The following ZNF853 variants were observed in gnomAD, a reference collection of about 807,000 sequenced individuals.
ZNF853 encodes the protein zinc finger protein 853.
Under a neutral mutation model 94.7 loss-of-function variants are expected in ZNF853, and 57 were observed. That is an observed-to-expected ratio of 0.60 (90% confidence interval 0.49 to 0.75). The LOEUF (loss-of-function observed/expected upper bound fraction) is 0.75. Among genes scored for constraint, ZNF853 ranks in the 30% least tolerant of loss-of-function variants. The probability of loss-of-function intolerance (pLI) is 0.00; values close to 1 mark genes in which losing one functional copy is unlikely to be tolerated. For synonymous variants in ZNF853, 448 were observed against 406.3 expected (o/e 1.10, Z -1.23); for missense variants, 785 against 868.9 (o/e 0.90, Z 1.21).
At chr7:6,616,267 C>G in intron 1 of ZNF853, 81 bp downstream of exon 1, 1 of 1,431,802 alleles carries the variant, frequency 7.0e-7, no homozygotes, top group Non-Finnish European at 9.5e-7. Context: ...CACGAGTCGG[C>G]CTGTTTAGGG....
chr7:6,621,741 A>ACAGCAGCAACTGTTG lies in ZNF853; in HGVS notation c.759_773dup (p.Leu254_Gln258dup). The stretch of plus-strand genomic sequence containing the variant: ...TATTGCTGCAGCAGCAGGGACAGTT[A>ACAGCAGCAACTGTTG]CAGCAGCAACTGTTGCAGCAGCAGC... On this transcript the variant is annotated inframe_insertion, in exon 3 of 3. Transcript: ENST00000457543. 8.4e-6 allele frequency: 13 copies of ACAGCAGCAACTGTTG among 1,550,660 alleles called. No individual in the cohort carries two copies. Among genetic ancestry groups the ACAGCAGCAACTGTTG allele is most frequent in the Non-Finnish European group, 1.1e-5 (13 of 1,146,928 alleles).
At position 6,623,241 on chromosome 7, in the gene ZNF853, T is replaced by C. The variant is rs1476357904; in HGVS notation, c.*270T>C. 3 of 400,726 alleles carry C rather than the reference T, an allele frequency of 7.5e-6. No homozygotes were observed. The highest frequency in any genetic ancestry group is 6.2e-4 in the Middle Eastern group (1 of 1,614). 24.8% of individuals were successfully genotyped at this position (400,726 alleles called of 1,614,324 possible). A position where few individuals can be genotyped will look rare whatever the true frequency, so the allele number is the denominator to read the frequency against. On this transcript the variant is annotated 3_prime_UTR_variant, in exon 3 of 3. Coordinates refer to ENST00000457543, the MANE Select transcript of ZNF853 (RefSeq NM_017560.3). Reference sequence around the variant, plus strand: ...ACACGTTTGTCTGCCCTTTGAGGGGTCTGCCAAAGGTTTTCCCTCCGGGAA... The same window carrying C: ...ACACGTTTGTCTGCCCTTTGAGGGGCCTGCCAAAGGTTTTCCCTCCGGGAA...
rs1005181067 is a variant in ZNF853 at position 6,621,630 on chromosome 7, G to C, written c.639G>C (p.Gln213His). ...LLQQQQEQLQQQQLLQQQEQL... is the reference protein window; with the variant it reads ...LLQQQQEQLQHQQLLQQQEQL... ...AGCAACAGCAGGAACAGTTACAGCA[G>C]CAGCAGCTGCTACAACAGCAGGAAC... The change falls in exon 3 of 3, where the codon CAG becomes CAC. Residue 213 changes from glutamine (Q) to histidine (H), a missense_variant. By Grantham distance (24) the Gln-to-His change is conservative. Transcript: ENST00000457543. 1 of 1,549,826 alleles carries C rather than the reference G, an allele frequency of 6.5e-7. No individual in the cohort carries two copies. The highest frequency in any genetic ancestry group is 8.7e-7 in the Non-Finnish European group (1 of 1,145,450).
intron 2 of ZNF853, among the ~76,000 whole-genome samples, chr7:6,619,259 T>TTTTGTTTG: frequency 6.6e-6 from 1 of 150,938 alleles, no homozygotes; most frequent in Admixed American, 6.6e-5. Flanking sequence ...GGGTTGTTGT[T>TTTTGTTTG]TTTGTTTGTT....
intron 1 of ZNF853, 96 bp from the exon 2 acceptor site, chr7:6,617,094 C>A: frequency 1.1e-6 from 1 of 929,942 alleles, no homozygotes; most frequent in African/African-American, 1.7e-5. Context: ...CTGGGTGGCC[C>A]GAGGCAGAGG....
At position 6,621,711 on chromosome 7, in the gene ZNF853, G is replaced by A. The variant is rs1782611369; in HGVS notation, c.720G>A (p.Gln240=). Reference sequence around the variant, plus strand: ...AGGAACAGTTACAGCAGCAGCAGCAGCTACTATTGCTGCAGCAGCAGGGAC... The same window carrying A: ...AGGAACAGTTACAGCAGCAGCAGCAACTACTATTGCTGCAGCAGCAGGGAC... ...QQQEQLQQQQ[Q]LLLLQQQGQL... is the part of the protein sequence containing the mutation. Residue 240 remains glutamine (Q), a synonymous_variant, in exon 3 of 3, where the codon CAG becomes CAA. Transcript: ENST00000457543. The A allele has an allele frequency of 1.3e-6, 2 of 1,551,090 alleles. No individual in the cohort carries two copies. The highest frequency in any genetic ancestry group is 4.9e-5 in the East Asian group (2 of 40,924).
Position 6,622,613 on chromosome 7 carries a change from A to G in ZNF853, c.1622A>G (p.Tyr541Cys). Residue 541 changes from tyrosine to cysteine, a missense_variant, in exon 3 of 3, where the codon TAC becomes TGC. Physicochemically the swap from Tyr to Cys is radical, Grantham distance 194 (BLOSUM62 -2). Coordinates refer to ENST00000457543, the MANE Select transcript of ZNF853 (RefSeq NM_017560.3). ...HQRIHTGEKP[Y>C]ACSYCAKRFS... ...CGCATCCACACGGGCGAGAAACCCTACGCCTGCTCCTACTGCGCCAAGCGC... is the reference window on the plus strand; with the variant it reads ...CGCATCCACACGGGCGAGAAACCCTGCGCCTGCTCCTACTGCGCCAAGCGC... 1.3e-5 allele frequency: 21 copies of G among 1,581,588 alleles called. No individual in the cohort carries two copies. Among genetic ancestry groups the G allele is most frequent in the Non-Finnish European group, 1.7e-5 (20 of 1,164,906 alleles).
In ZNF853 at chr7:6,617,253, G is replaced by T; in HGVS notation, c.76G>T (p.Val26Leu). Reference sequence around the variant, plus strand: ...AGTGGGGCCAGCCACCGAGACCTTCGTGCTGGAACTTCAATGTCTTGAGGA... The same window carrying T: ...AGTGGGGCCAGCCACCGAGACCTTCTTGCTGGAACTTCAATGTCTTGAGGA... ...MEVGPATETF[V>L]LELQCLEDGG... The change falls in exon 2 of 3, where the codon GTG becomes TTG. Residue 26 changes from valine (V) to leucine (L), a missense_variant. Physicochemically the swap from Val to Leu is conservative, Grantham distance 32. Transcript: ENST00000457543. The T allele has an allele frequency of 6.5e-7, 1 of 1,530,608 alleles. No individual in the cohort carries two copies. The highest frequency in any genetic ancestry group is 8.8e-7 in the Non-Finnish European group (1 of 1,136,230). 94.8% of individuals were successfully genotyped at this position (1,530,608 alleles called of 1,614,324 possible).
chr7:6,621,919 C>T lies in ZNF853; in HGVS notation c.928C>T (p.Pro310Ser), dbSNP rs1369400006. 6.4e-7 allele frequency: 1 copy of T among 1,551,186 alleles called. No individual in the cohort carries two copies. The change falls in exon 3 of 3, where the codon CCT (proline) becomes TCT (serine). Residue 310 changes from proline to serine, a missense_variant. Physicochemically the swap from Pro to Ser is moderately conservative, Grantham distance 74 (BLOSUM62 -1). Transcript: ENST00000457543. ...EQLQQQQLQPPPLEPEEEEEV... is the reference protein window; with the variant it reads ...EQLQQQQLQPSPLEPEEEEEV... The stretch of plus-strand genomic sequence containing the variant: ...ATTGCAGCAGCAACAACTGCAGCCT[C>T]CTCCCCTGGAGCCCGAGGAGGAGGA...
In ZNF853 at chr7:6,622,787, G is replaced by T; in HGVS notation, c.1796G>T (p.Cys599Phe). 1 of 1,539,066 alleles carries T rather than the reference G, an allele frequency of 6.5e-7. No individual in the cohort carries two copies. ...CACTCGGGCGAGCGGCCCTACGTGT[G>T]CGAGGACTGTGGCGAGCGCTTCCGA... Reference protein sequence around the residue: ...RTHSGERPYVCEDCGERFRHK... With the variant: ...RTHSGERPYVFEDCGERFRHK... The change falls in exon 3 of 3, where the codon TGC becomes TTC. Residue 599 changes from cysteine (C) to phenylalanine (F), a missense_variant. Cys to Phe is a radical substitution (Grantham distance 205, BLOSUM62 -2). Coordinates refer to ENST00000457543, the MANE Select transcript of ZNF853 (RefSeq NM_017560.3).
At chr7:6,617,506 C>A in intron 2 of ZNF853, 199 bp downstream of exon 2, 1 of 836,274 alleles carries the variant, frequency 1.2e-6, no homozygotes, top group Non-Finnish European at 1.4e-6. Context: ...AGGGGCTCCC[C>A]GCTCCCCACA....
In ZNF853 at chr7:6,621,668, A is replaced by C; in HGVS notation, c.677A>C (p.Gln226Pro). The C allele has an allele frequency of 6.4e-7, 1 of 1,551,552 alleles. No individual in the cohort carries two copies. Among genetic ancestry groups the C allele is most frequent in the Non-Finnish European group, 8.7e-7 (1 of 1,146,916 alleles). ...LLQQQEQLQQQQFQQQQEQLQ... is the reference protein window; with the variant it reads ...LLQQQEQLQQPQFQQQQEQLQ... ...CAACAGCAGGAACAGTTACAGCAGC[A>C]ACAGTTTCAACAGCAGCAGGAACAG... The change falls in exon 3 of 3, where the codon CAA (glutamine) becomes CCA (proline). Residue 226 changes from glutamine (Q) to proline (P), a missense_variant. Physicochemically the swap from Gln to Pro is moderately conservative, Grantham distance 76. Transcript: ENST00000457543.
In ZNF853 at chr7:6,622,336, C is replaced by T. The variant is rs1237335670; in HGVS notation, c.1345C>T (p.Leu449=). 4.1e-6 allele frequency: 6 copies of T among 1,474,534 alleles called. No individual in the cohort carries two copies. Among genetic ancestry groups the T allele is most frequent in the Non-Finnish European group, 5.3e-6 (6 of 1,122,396 alleles). 91.3% of individuals were successfully genotyped at this position (1,474,534 alleles called of 1,614,324 possible). ...CGTGGTGGTGCAGGAGCTCATGGTG[C>T]TGCCCGCCGTGGCAGCGCCGGCCGT... ...GYVVVQELMV[L]PAVAAPAVVA... Residue 449 remains leucine (L), a synonymous_variant, in exon 3 of 3, where the codon CTG becomes TTG. Transcript: ENST00000457543.
chr7:6,621,764 A>G lies in ZNF853; in HGVS notation c.773A>G (p.Gln258Arg), dbSNP rs752693526. The G allele has an allele frequency of 2.2e-5, 34 of 1,550,484 alleles. No individual in the cohort carries two copies. Among genetic ancestry groups the G allele is most frequent in the Admixed American group, 3.9e-5 (2 of 50,976 alleles). The change falls in exon 3 of 3, where the codon CAG becomes CGG. Residue 258 changes from glutamine (Q) to arginine (R), a missense_variant. Physicochemically the swap from Gln to Arg is conservative, Grantham distance 43. Transcript: ENST00000457543. ...TTACAGCAGCAACTGTTGCAGCAGC[A>G]GCAGGCACAGTTACAACAGCAGCTG... ...GQLQQQLLQQ[Q>R]QAQLQQQLLE...
rs1782591057 is a variant in ZNF853, at chr7:6,621,190, C to T, written c.199C>T (p.Pro67Ser). The part of the protein sequence containing the change: ...PQERNSSPQR[P>S]AVSAPVGASE... ...GGAGAGGAACAGCAGTCCACAGCGGCCAGCAGTCTCGGCCCCAGTGGGGGC... is the reference window on the plus strand; with the variant it reads ...GGAGAGGAACAGCAGTCCACAGCGGTCAGCAGTCTCGGCCCCAGTGGGGGC... Residue 67 changes from proline to serine, a missense_variant, in exon 3 of 3, where the codon CCA becomes TCA. By Grantham distance (74) the Pro-to-Ser change is moderately conservative. Coordinates refer to ENST00000457543, the MANE Select transcript of ZNF853 (RefSeq NM_017560.3). 6.6e-7 allele frequency: 1 copy of T among 1,512,440 alleles called. No homozygotes were observed. The highest frequency in any genetic ancestry group is 8.9e-7 in the Non-Finnish European group (1 of 1,128,656). 93.7% of individuals were successfully genotyped at this position (1,512,440 alleles called of 1,614,324 possible).
chr7:6,618,170 A>C, intron 2 of ZNF853, among the ~76,000 whole-genome samples: 1 of 151,922 alleles, frequency 6.6e-6, no homozygotes, highest in African/African-American at 2.4e-5. Flanking sequence ...TGTGGTGGGC[A>C]CCTGTAATCT....
chr7:6,617,398 T>G, intron 2 of ZNF853, 91 bp downstream of exon 2: 1 of 1,070,466 alleles, frequency 9.3e-7, no homozygotes, highest in East Asian at 3.0e-5. Flanking sequence ...CTGCACAGAC[T>G]CACACCAGCC....
At position 6,623,153 on chromosome 7, in the gene ZNF853, T is replaced by C; in HGVS notation, c.*182T>C. The C allele has an allele frequency of 1.8e-6, 1 of 555,272 alleles. No homozygotes were observed. Among genetic ancestry groups the C allele is most frequent in the South Asian group, 9.1e-5 (1 of 10,936 alleles). The allele number at this position is 555,272 out of a possible 1,614,324, so 34.4% of individuals were successfully genotyped here. ...CTGAGAAAATACCAGGTTCACAGAT[T>C]TCACCGCCAGAAAAATCCATCCGCC... On this transcript the variant is annotated 3_prime_UTR_variant, in exon 3 of 3. Transcript: ENST00000457543.
At position 6,616,122 on chromosome 7, in the gene ZNF853, G is replaced by T. The variant is rs1226992911; in HGVS notation, c.-53G>T. 4.6e-6 allele frequency: 7 copies of T among 1,526,310 alleles called. No homozygotes were observed. In the African/African-American group the frequency reaches 8.4e-5, roughly 18 times the overall value. The allele number at this position is 1,526,310 out of a possible 1,614,324, so 94.5% of individuals were successfully genotyped here. A position where few individuals can be genotyped will look rare whatever the true frequency, so the allele number is the denominator to read the frequency against. On this transcript the variant is annotated 5_prime_UTR_variant, in exon 1 of 3. Coordinates refer to ENST00000457543, the MANE Select transcript of ZNF853 (RefSeq NM_017560.3). Reference sequence around the variant, plus strand: ...GGCTGCACGCCGTGGCCTTCACCTCGCAGCCTCTGCTGACCACACCTCCCT... The same window carrying T: ...GGCTGCACGCCGTGGCCTTCACCTCTCAGCCTCTGCTGACCACACCTCCCT...
Sources: allele counts gnomAD v4.1 joint callset (sites outside exome capture counted in the v4.1 genomes callset), GRCh38; gene constraint gnomAD v4.1.1; transcripts MANE v1.5; gene names NCBI Gene and HGNC (gene_info 2026-07-23, HGNC 2026-07-21).